PRRC2B: variants seen among roughly 807,000 people sequenced by gnomAD.
The protein encoded by PRRC2B is protein PRRC2B.
In PRRC2B, 68 loss-of-function variants were observed where a neutral mutation model predicts 242.3. The observed-to-expected ratio is 0.28, with a 90% CI of 0.23 to 0.34. PRRC2B has a LOEUF of 0.34. Among genes scored for constraint, PRRC2B ranks in the 10% least tolerant of loss-of-function variants. The pLI is 1.00. For missense variants in PRRC2B, 2,835 were observed against 2,954.8 expected, an observed-to-expected ratio of 0.96 and a Z score of 0.94; for synonymous variants, 1,228 against 1,173.6, an observed-to-expected ratio of 1.05 and a Z score of -0.95.
chr9:131,420,579 C>T (rs1248161755), intron 1 of PRRC2B, among the ~76,000 whole-genome samples: 25 of 146,692 alleles, frequency 1.7e-4, no homozygotes, highest in Non-Finnish European at 7.5e-5. Flanking sequence ...GCAACCTCCA[C>T]CTCTTGGGTT....
intron 2 of PRRC2B, among the ~76,000 whole-genome samples, chr9:131,430,536 T>G (rs1407894154): frequency 4.2e-5 from 6 of 143,364 alleles, no homozygotes; most frequent in South Asian, 2.3e-4. Context: ...GATATCTATC[T>G]ATAGATATCT....
chr9:131,423,587 G>A (rs1157739459), intron 1 of PRRC2B, among the ~76,000 whole-genome samples: 1 of 152,232 alleles, frequency 6.6e-6, no homozygotes, highest in Non-Finnish European at 1.5e-5. Flanking sequence ...TTATTTTGGA[G>A]TTGTGTCCAG....
chr9:131,403,918 CTTATTT>C (rs1837290759), intron 1 of PRRC2B, among the ~76,000 whole-genome samples: 1 of 152,002 alleles, frequency 6.6e-6, no homozygotes, highest in South Asian at 2.1e-4. Context: ...CGTAACTTCT[CTTATTT>C]TTATTTTCAG....
chr9:131,484,713 C>A lies in PRRC2B; in HGVS notation c.5488C>A (p.Leu1830Met). 6.2e-7 allele frequency: 1 copy of A among 1,612,578 alleles called. No homozygotes were observed. Among genetic ancestry groups the A allele is most frequent in the Non-Finnish European group, 8.5e-7 (1 of 1,179,190 alleles). Residue 1830 changes from leucine to methionine, a missense_variant, in exon 24 of 32, where the codon CTG becomes ATG. By Grantham distance (15) the Leu-to-Met change is conservative. Coordinates refer to ENST00000683519, the MANE Select transcript of PRRC2B (RefSeq NM_013318.4). ...AGGGTTAACACAGAGTATCCCCATC[C>A]TGCGGCGGGACCATCACATCCAGAG... is the stretch of plus-strand genomic sequence containing the variant. ...NAGLTQSIPI[L>M]RRDHHIQRAI...
chr9:131,373,971 A>G (rs955407163), intron 1 of PRRC2B, among the ~76,000 whole-genome samples: 11 of 151,248 alleles, frequency 7.3e-5, no homozygotes, highest in African/African-American at 2.7e-4. Flanking sequence ...AGGCAGGAGA[A>G]TGGCGTGAAC....
Position 131,478,847 on chromosome 9 carries a change from G to A in PRRC2B, c.4758+228G>A, listed in dbSNP as rs143862270. Among the ~76,000 whole-genome samples, 4 of 152,288 alleles carry A rather than the reference G, an allele frequency of 2.6e-5. No homozygotes were observed. The East Asian group carries it at 5.8e-4, about 22-fold the overall frequency. ...TCACTGTTATGCAGTGGAAGAAACC[G>A]AGTCTTGAAGAGGGTGACTTCTCTA... On this transcript the variant is annotated intron_variant, in intron 18 of 31. Coordinates refer to ENST00000683519, the MANE Select transcript of PRRC2B (RefSeq NM_013318.4).
intron 13 of PRRC2B, among the ~76,000 whole-genome samples, chr9:131,468,214 C>A (rs182172961): frequency 6.6e-6 from 1 of 152,316 alleles, no homozygotes; most frequent in East Asian, 1.9e-4. Context: ...GGCACGTCAC[C>A]TTTGGGTTAC....
chr9:131,406,772 A>G (rs183025407), intron 1 of PRRC2B, among the ~76,000 whole-genome samples: 20 of 152,300 alleles, frequency 1.3e-4, no homozygotes, highest in African/African-American at 4.8e-4. Context: ...TCTTAAAAAC[A>G]ATGTAACAGT....
chr9:131,388,055 G>A lies in PRRC2B; in HGVS notation c.-56+14324G>A, dbSNP rs140736219. ...AAAATACAAAAAGTTAGCTGGGTGCGATGGCACACGCTATGTAGGAGGCTG... is the reference window on the plus strand; with the variant it reads ...AAAATACAAAAAGTTAGCTGGGTGCAATGGCACACGCTATGTAGGAGGCTG... On this transcript the variant is annotated intron_variant, in intron 1 of 1. Transcript: ENST00000682525. 3.5e-3 allele frequency among the ~76,000 whole-genome samples: 522 copies of A among 149,714 alleles called. 9 individuals carry two copies. The highest frequency in any genetic ancestry group is 0.012 in the African/African-American group (501 of 41,200).
chr9:131,427,093 A>G (rs916199503), intron 1 of PRRC2B, among the ~76,000 whole-genome samples: 24 of 152,162 alleles, frequency 1.6e-4, no homozygotes, highest in African/African-American at 5.8e-4. Context: ...CTCGGCATCC[A>G]TCTTCCTGCG....
chr9:131,475,023 A>G lies in PRRC2B; in HGVS notation c.2894A>G (p.Glu965Gly), dbSNP rs752739259. Residue 965 changes from glutamate to glycine, a missense_variant, in exon 16 of 32, where the codon GAG (glutamate) becomes GGG (glycine). This residue lies in a region of PRRC2B where 1,536 missense variants were observed against 1,483.1 expected (regional missense o/e 1.04). Coordinates refer to ENST00000683519, the MANE Select transcript of PRRC2B (RefSeq NM_013318.4). ...AAGGAGCTTGAGAAGATTAAGCAGG[A>G]GCTAGGGGAGGAGAGTACCCGGCTG... ...KEKELEKIKQ[E>G]LGEESTRLAK... 3 of 1,606,914 alleles carry G rather than the reference A, an allele frequency of 1.9e-6. No individual in the cohort carries two copies. Among genetic ancestry groups the G allele is most frequent in the Admixed American group, 3.4e-5 (2 of 58,838 alleles).
chr9:131,412,486 G>T (rs1381005630), intron 1 of PRRC2B, among the ~76,000 whole-genome samples: 3 of 152,066 alleles, frequency 2.0e-5, no homozygotes, highest in Non-Finnish European at 4.4e-5. Context: ...GTGCGTGCGT[G>T]CATGCACACG....
Position 131,486,110 on chromosome 9 carries a change from G to T in PRRC2B, c.5784G>T (p.Leu1928=), listed in dbSNP as rs1238626313. 1.2e-6 allele frequency: 2 copies of T among 1,612,960 alleles called. No individual in the cohort carries two copies. The highest frequency in any genetic ancestry group is 1.7e-6 in the Non-Finnish European group (2 of 1,179,472). ...MPGSHLPPLY[L]DGHVFASQPR... ...GCAGCCACCTCCCGCCCCTGTACCT[G>T]GATGGCCATGTGTTTGCAAGTCAGC... Residue 1928 remains leucine (L), a synonymous_variant, in exon 26 of 32, where the codon CTG becomes CTT. Coordinates refer to ENST00000683519, the MANE Select transcript of PRRC2B (RefSeq NM_013318.4).
intron 1 of PRRC2B, among the ~76,000 whole-genome samples, chr9:131,420,500 T>TC (rs1380661357): frequency 9.3e-5 from 9 of 96,394 alleles, no homozygotes; most frequent in South Asian, 3.3e-4. Context: ...TTTCTTTTTT[T>TC]TTTTTTTTTT....
At chr9:131,409,582 C>G (rs1837453672) in intron 1 of PRRC2B, among the ~76,000 whole-genome samples, 1 of 152,214 alleles carries the variant, frequency 6.6e-6, no homozygotes, top group Non-Finnish European at 1.5e-5. Flanking sequence ...CATTTCAGTA[C>G]AGTGGAGCCT....
rs1430616387 is a variant in PRRC2B, at chr9:131,487,400, C to T, written c.5984+106C>T. 1.0e-5 allele frequency: 9 copies of T among 880,580 alleles called. No individual in the cohort carries two copies. The highest frequency in any genetic ancestry group is 1.8e-5 in the South Asian group (1 of 56,654). 54.5% of individuals were successfully genotyped at this position (880,580 alleles called of 1,614,324 possible). A position where few individuals can be genotyped will look rare whatever the true frequency, so the allele number is the denominator to read the frequency against. On this transcript the variant is annotated intron_variant, in intron 27 of 31. Transcript: ENST00000683519. The surrounding 1 kb of genome is among the most constrained non-coding windows in gnomAD (Gnocchi z 5.3). ...GTTTGGTGCTTGTCTGCTTTGGGGC[C>T]AGTGGGGCGGGGAGGGGTGGGAGTT...
Position 131,482,258 on chromosome 9 carries a change from T to C in PRRC2B, c.4984-113T>C. The C allele has an allele frequency of 8.2e-7, 1 of 1,219,216 alleles. No homozygotes were observed. Among genetic ancestry groups the C allele is most frequent in the Non-Finnish European group, 1.2e-6 (1 of 866,810 alleles). The allele number at this position is 1,219,216 out of a possible 1,614,324, so 75.5% of individuals were successfully genotyped here. A position where few individuals can be genotyped will look rare whatever the true frequency, so the allele number is the denominator to read the frequency against. On this transcript the variant is annotated intron_variant, in intron 20 of 31. Coordinates refer to ENST00000683519, the MANE Select transcript of PRRC2B (RefSeq NM_013318.4). The surrounding 1 kb of genome is among the most constrained non-coding windows in gnomAD (Gnocchi z 5.2). ...GGCAGGATCAAGATCAGGACCAGAC[T>C]TGGCAAGGGACAGGCAGCTGGGGTA...
intron 29 of PRRC2B, 34 bp downstream of exon 29, chr9:131,491,614 AG>A: frequency 6.4e-7 from 1 of 1,569,524 alleles, no homozygotes; most frequent in Non-Finnish European, 8.6e-7. Context: ...GACCCTAGGG[AG>A]GGGGCCTTGT....
chr9:131,438,959 GC>G (rs1564284254), intron 4 of PRRC2B, 29 bp from the exon 5 acceptor site: 1 of 1,563,082 alleles, frequency 6.4e-7, no homozygotes, highest in South Asian at 1.1e-5. Context: ...AAGGGAGCTG[GC>G]CCTCTTCTGA....
Sources: allele counts gnomAD v4.1 joint callset (sites outside exome capture counted in the v4.1 genomes callset), GRCh38; gene constraint gnomAD v4.1.1; regional missense constraint gnomAD v4.1.1; non-coding constraint Gnocchi (gnomAD v3.1); transcripts MANE v1.5; gene names NCBI Gene and HGNC (gene_info 2026-07-23, HGNC 2026-07-21).